Variants in SURF4 observed in about 807,000 individuals in gnomAD.
The protein encoded by SURF4 is surfeit locus protein 4.
A neutral mutation model predicts 30.0 loss-of-function variants in SURF4; 3 were observed. The observed-to-expected ratio is 0.10, with a 90% CI of 0.05 to 0.26. The LOEUF (loss-of-function observed/expected upper bound fraction) is 0.26. SURF4 is among the 10% of genes least tolerant of loss of function. The probability of loss-of-function intolerance (pLI) is 1.00; values close to 1 mark genes in which losing one functional copy is unlikely to be tolerated. For missense variants in SURF4, 217 were observed against 350.8 expected, an observed-to-expected ratio of 0.62 and a Z score of 3.05; for synonymous variants, 143 against 139.9, an observed-to-expected ratio of 1.02 and a Z score of -0.16.
In SURF4 at chr9:133,362,004, A is replaced by G. The variant is rs1249584848; in HGVS notation, c.*1489T>C. The G allele has an allele frequency of 1.3e-5, 2 of 152,254 alleles. No individual in the cohort carries two copies. Among genetic ancestry groups the G allele is most frequent in the East Asian group, 1.9e-4 (1 of 5,200 alleles). 9.4% of individuals were successfully genotyped at this position (152,254 alleles called of 1,614,324 possible). ...GAAGCCATTGCTCGATCTTACCAAT[A>G]TTCGGGGGTAAGGAAGTAGGCTACC... is the stretch of plus-strand genomic sequence containing the variant. On this transcript the variant is annotated 3_prime_UTR_variant, in exon 6 of 6. Coordinates refer to ENST00000371989, the MANE Select transcript of SURF4 (RefSeq NM_033161.4).
At chr9:133,376,333 G>T, upstream of SURF4, 1 of 1,369,842 alleles carries the variant, frequency 7.3e-7, no homozygotes, top group Non-Finnish European at 9.4e-7. Flanking sequence ...CGGGGACCTG[G>T]GGGTCTGGGG....
Position 133,363,654 on chromosome 9 carries a change from C to G in SURF4, c.649G>C (p.Val217Leu), listed in dbSNP as rs2130089951. The change falls in exon 6 of 6, where the codon GTA becomes CTA. Residue 217 changes from valine to leucine, a missense_variant. Transcript: ENST00000371989. The surrounding 1 kb of genome is among the most constrained non-coding windows in gnomAD (Gnocchi z 4.3). The stretch of plus-strand genomic sequence containing the variant: ...ATGGTCCAGAAGGCGTTGAAATATA[C>G]GTTGATGGCAAAGAGCCACACAACA... ...TLVVWLFAINVYFNAFWTIPV... is the reference protein window; with the variant it reads ...TLVVWLFAINLYFNAFWTIPV... The G allele has an allele frequency of 3.7e-6, 6 of 1,614,080 alleles. No homozygotes were observed. The East Asian group carries it at 1.3e-4, about 36-fold the overall frequency.
chr9:133,372,894 A>C (rs1837585774), intron 1 of SURF4, among the ~76,000 whole-genome samples: 1 of 152,146 alleles, frequency 6.6e-6, no homozygotes. Flanking sequence ...GGTTTGGGCG[A>C]GTACAAGTAG....
chr9:133,367,696 C>A (rs2130148859), intron 1 of SURF4, among the ~76,000 whole-genome samples: 8,524 of 152,328 alleles, frequency 0.056, 325 homozygotes, highest in Non-Finnish European at 0.086. Flanking sequence ...ACGTTAGGCC[C>A]TCTGGGGCAG....
In SURF4 at chr9:133,363,965, G is replaced by C. The variant is rs1837001909; in HGVS notation, c.544-206C>G. The C allele has an allele frequency of 1.1e-5, 8 of 730,588 alleles. No individual in the cohort carries two copies. In the East Asian group the frequency reaches 2.1e-4, roughly 20 times the overall value. The allele number at this position is 730,588 out of a possible 1,614,324, so 45.3% of individuals were successfully genotyped here. A position where few individuals can be genotyped will look rare whatever the true frequency, so the allele number is the denominator to read the frequency against. The stretch of plus-strand genomic sequence containing the variant: ...AAGCACCAGCTTTGAAATGTGGAAG[G>C]TTTGGGGAAGACTGAAGTTCCCAAC... On this transcript the variant is annotated intron_variant, in intron 5 of 5. Transcript: ENST00000371989. The surrounding 1 kb of genome is among the most constrained non-coding windows in gnomAD (Gnocchi z 4.3).
At chr9:133,368,020 G>C (rs1188801316) in intron 1 of SURF4, among the ~76,000 whole-genome samples, 1 of 152,214 alleles carries the variant, frequency 6.6e-6, no homozygotes, top group Non-Finnish European at 1.5e-5. Context: ...TCCCTCCTGA[G>C]GCACCGCTGC....
At chr9:133,372,585 C>G (rs2130198397) in intron 1 of SURF4, 1 of 985,278 alleles carries the variant, frequency 1.0e-6, no homozygotes, top group Admixed American at 6.1e-5. Flanking sequence ...ACTAAGCTTA[C>G]TTAGGTCTTG....
chr9:133,376,094 G>A (rs1468882115), upstream of SURF4: 7 of 1,203,848 alleles, frequency 5.8e-6, no homozygotes, highest in Non-Finnish European at 7.2e-6. Context: ...CGTCGGCTGC[G>A]GCTCCAGCGG....
At chr9:133,370,464 A>G (rs1015591119) in intron 1 of SURF4, among the ~76,000 whole-genome samples, 26 of 152,204 alleles carry the variant, frequency 1.7e-4, no homozygotes, top group African/African-American at 5.1e-4. Flanking sequence ...TAAACTGGCC[A>G]CCATTTAATG....
Position 133,362,957 on chromosome 9 carries a change from C to G in SURF4, c.*536G>C, listed in dbSNP as rs2130080698. On this transcript the variant is annotated 3_prime_UTR_variant, in exon 6 of 6. Transcript: ENST00000371989. ...CTTTGGGTGTCCCTAAATGTTTTCA[C>G]TATTCCTATAAAATACAATGCGGGG... 0.31 allele frequency: 62,186 copies of G among 198,562 alleles called. 11,808 individuals are homozygous for G. The highest frequency in any genetic ancestry group is 0.45 in the South Asian group (5,389 of 12,008). The allele number at this position is 198,562 out of a possible 1,614,324, so 12.3% of individuals were successfully genotyped here.
At chr9:133,367,104 C>T (rs2130135498) in intron 2 of SURF4, among the ~76,000 whole-genome samples, 155 bp downstream of exon 2, 16 of 152,336 alleles carry the variant, frequency 1.1e-4, no homozygotes, top group African/African-American at 3.8e-4. Flanking sequence ...CTTGCAGAAC[C>T]GGACTCCTGG....
At chr9:133,370,254 A>G (rs2130178224) in intron 1 of SURF4, among the ~76,000 whole-genome samples, 209 of 152,336 alleles carry the variant, frequency 1.4e-3, no homozygotes, top group Non-Finnish European at 2.4e-3. Context: ...AAGAGAGAGA[A>G]GGTGGGACAG....
chr9:133,370,635 C>A (rs1319092171), intron 1 of SURF4, among the ~76,000 whole-genome samples: 2 of 152,194 alleles, frequency 1.3e-5, no homozygotes, highest in Non-Finnish European at 1.5e-5. Context: ...GTCCCCTCAG[C>A]ACAGCAGAGA....
At chr9:133,368,833 G>C (rs1355386872) in intron 1 of SURF4, among the ~76,000 whole-genome samples, 2 of 152,162 alleles carry the variant, frequency 1.3e-5, no homozygotes, top group Non-Finnish European at 2.9e-5. Context: ...GTCCTTCGGA[G>C]AAAGATCAGG....
chr9:133,367,248 G>A lies in SURF4; in HGVS notation c.235+11C>T, dbSNP rs1179033. On this transcript the variant is annotated intron_variant, in intron 2 of 5. Transcript: ENST00000371989. ...GCCCAGTGAATCCTGACCACCCGCA[G>A]AGCCACTCACTCAGCTGTCCCAGCA... The A allele has an allele frequency of 1.2e-6, 2 of 1,612,694 alleles. No individual in the cohort carries two copies. The highest frequency in any genetic ancestry group is 1.3e-5 in the African/African-American group (1 of 74,932).
chr9:133,374,219 C>G (rs1837708450), intron 1 of SURF4, among the ~76,000 whole-genome samples: 1 of 152,068 alleles, frequency 6.6e-6, no homozygotes, highest in African/African-American at 2.4e-5. Context: ...AAAGGTCTAC[C>G]TGGTTCTTGA....
intron 1 of SURF4, among the ~76,000 whole-genome samples, chr9:133,371,577 T>C (rs2130190382): frequency 2.6e-5 from 4 of 152,254 alleles, no homozygotes; most frequent in Non-Finnish European, 5.9e-5. Context: ...CAACCTCCTC[T>C]GCTCCTCGCC....
chr9:133,373,953 G>A (rs1402677688), intron 1 of SURF4, among the ~76,000 whole-genome samples: 1 of 128,940 alleles, frequency 7.8e-6, no homozygotes, highest in African/African-American at 2.8e-5. Context: ...AAAACAGTAT[G>A]TGAAGACACT....
rs2130084829 is a variant in SURF4, at chr9:133,363,383, G to A, written c.*110C>T. ...CTCAAAACATCTGTGCCTTTACCAAGGGAGGGGAAGGGAAGAGGATACATA... is the reference window on the plus strand; with the variant it reads ...CTCAAAACATCTGTGCCTTTACCAAAGGAGGGGAAGGGAAGAGGATACATA... On this transcript the variant is annotated 3_prime_UTR_variant, in exon 6 of 6. Transcript: ENST00000371989. This position sits in a 1 kb window ranked among gnomAD's most constrained non-coding sequence, Gnocchi z 4.3. The A allele has an allele frequency of 2.6e-6, 4 of 1,542,968 alleles. No individual in the cohort carries two copies. The highest frequency in any genetic ancestry group is 3.6e-6 in the Non-Finnish European group (4 of 1,122,436).
Sources: allele counts gnomAD v4.1 joint callset (sites outside exome capture counted in the v4.1 genomes callset), GRCh38; gene constraint gnomAD v4.1.1; non-coding constraint Gnocchi (gnomAD v3.1); transcripts MANE v1.5; gene names NCBI Gene and HGNC (gene_info 2026-07-23, HGNC 2026-07-21).